The following SPPL3 variants were observed in gnomAD, a reference collection of about 807,000 sequenced individuals.
The protein encoded by SPPL3 is signal peptide peptidase like 3.
SPPL3 carries 5 observed loss-of-function variants against 42.4 expected under a neutral mutation model. The observed-to-expected ratio is 0.12, with a 90% CI of 0.06 to 0.25. The LOEUF is 0.25. Among genes scored for constraint, SPPL3 ranks in the 10% least tolerant of loss-of-function variants. The pLI is 1.00. For synonymous variants in SPPL3, 195 were observed against 181.8 expected (o/e 1.07, Z -0.58); for missense variants, 235 against 489.0 (o/e 0.48, Z 4.90).
intron 1 of SPPL3, among the ~76,000 whole-genome samples, chr12:120,888,449 G>A (rs947636006): frequency 6.6e-6 from 1 of 152,156 alleles, no homozygotes; most frequent in Non-Finnish European, 1.5e-5. Flanking sequence ...TAAGCTGAAT[G>A]TGGTATAAAA....
chr12:120,899,790 G>A (rs972480660), intron 1 of SPPL3, among the ~76,000 whole-genome samples: 1 of 150,580 alleles, frequency 6.6e-6, no homozygotes, highest in Non-Finnish European at 1.5e-5. Context: ...CTACTCGGGA[G>A]GCTGAGGCAC....
chr12:120,849,778 C>T (rs1872163875), intron 1 of SPPL3, among the ~76,000 whole-genome samples: 1 of 152,208 alleles, frequency 6.6e-6, no homozygotes, highest in Non-Finnish European at 1.5e-5. Flanking sequence ...GTTACAGGTT[C>T]TGGATCTTCT....
intron 1 of SPPL3, among the ~76,000 whole-genome samples, chr12:120,847,088 G>A (rs549117271): frequency 6.6e-6 from 1 of 152,250 alleles, no homozygotes; most frequent in Non-Finnish European, 1.5e-5. Context: ...GAAGTTTTAT[G>A]TTACTGAATA....
intron 2 of SPPL3, among the ~76,000 whole-genome samples, chr12:120,793,910 T>C (rs1870007532): frequency 6.6e-6 from 1 of 152,224 alleles, no homozygotes; most frequent in African/African-American, 2.4e-5. Context: ...TAAATGTCAA[T>C]TAGGTCAAAT....
chr12:120,863,238 C>A (rs2137043847), intron 1 of SPPL3, among the ~76,000 whole-genome samples: 2 of 152,136 alleles, frequency 1.3e-5, no homozygotes, highest in South Asian at 4.2e-4. Flanking sequence ...ATCCCGGCTA[C>A]TCCAGAGGCT....
chr12:120,802,353 A>G (rs912714432), intron 2 of SPPL3, among the ~76,000 whole-genome samples: 4 of 146,478 alleles, frequency 2.7e-5, no homozygotes, highest in South Asian at 2.1e-4. Context: ...GTATGTATGT[A>G]TGTGTGTATA....
Position 120,782,341 on chromosome 12 carries a change from T to C in SPPL3, c.502+314A>G, listed in dbSNP as rs538882036. Among the ~76,000 whole-genome samples the C allele has an allele frequency of 2.0e-5, 3 of 152,296 alleles. No individual in the cohort carries two copies. In the South Asian group the frequency reaches 6.2e-4, roughly 32 times the overall value. ...CATAAAAAGGAAGTGCTGATACAGG[T>C]TACAACACAGATGAACCTTGAAAAC... On this transcript the variant is annotated intron_variant, in intron 6 of 10. Transcript: ENST00000353487.
At chr12:120,900,470 TG>T (rs1157285310) in intron 1 of SPPL3, among the ~76,000 whole-genome samples, 2 of 149,978 alleles carry the variant, frequency 1.3e-5, no homozygotes, top group African/African-American at 4.9e-5. Flanking sequence ...CCGGGCGTGG[TG>T]GGGCACACCT....
At chr12:120,794,122 T>A (rs573984828) in intron 2 of SPPL3, among the ~76,000 whole-genome samples, 1 of 152,246 alleles carries the variant, frequency 6.6e-6, no homozygotes, top group Non-Finnish European at 1.5e-5. Context: ...TCTTGCTTAA[T>A]TGACCCCTTT....
intron 1 of SPPL3, among the ~76,000 whole-genome samples, chr12:120,850,435 G>T (rs1872182219): frequency 6.9e-6 from 1 of 145,886 alleles, no homozygotes; most frequent in African/African-American, 2.5e-5. Flanking sequence ...GAGGTGGGAG[G>T]ACTGCTTGAG....
intron 1 of SPPL3, among the ~76,000 whole-genome samples, chr12:120,832,195 C>T (rs1312444331): frequency 6.6e-6 from 1 of 152,110 alleles, no homozygotes; most frequent in Non-Finnish European, 1.5e-5. Context: ...ATTATTATTA[C>T]TCATAAAAAC....
At chr12:120,823,999 T>C (rs543778888) in intron 1 of SPPL3, among the ~76,000 whole-genome samples, 35 of 152,050 alleles carry the variant, frequency 2.3e-4, no homozygotes, top group African/African-American at 7.2e-4. Context: ...GCCTCCCAAG[T>C]AGCTGGGACT....
At chr12:120,879,385 T>C (rs1481950629) in intron 1 of SPPL3, among the ~76,000 whole-genome samples, 4 of 152,090 alleles carry the variant, frequency 2.6e-5, no homozygotes, top group Non-Finnish European at 5.9e-5. Flanking sequence ...TTTAACTTAC[T>C]GTCCTTTGAT....
Position 120,835,974 on chromosome 12 carries a change from A to G in SPPL3, c.24-25088T>C, listed in dbSNP as rs552959199. 6.0e-4 allele frequency among the ~76,000 whole-genome samples: 91 copies of G among 152,302 alleles called. 3 individuals carry two copies. The South Asian group carries it at 0.018, about 31-fold the overall frequency. The stretch of plus-strand genomic sequence containing the variant: ...ATTAGCAACAGAAAACTATGTAACC[A>G]TATCACATTCTCCTTTGTACTTTTT... On this transcript the variant is annotated intron_variant, in intron 1 of 10. Coordinates refer to ENST00000353487, the MANE Select transcript of SPPL3 (RefSeq NM_139015.5).
intron 1 of SPPL3, among the ~76,000 whole-genome samples, chr12:120,836,092 T>A (rs542734531): frequency 6.6e-6 from 1 of 152,080 alleles, no homozygotes; most frequent in African/African-American, 2.4e-5. Context: ...TTCTGTAACT[T>A]TGGAGTGTGC....
chr12:120,816,435 G>A (rs1202923166), intron 1 of SPPL3, among the ~76,000 whole-genome samples: 1 of 152,192 alleles, frequency 6.6e-6, no homozygotes, highest in East Asian at 1.9e-4. Flanking sequence ...CACATAACTA[G>A]AAGTTATAGA....
At chr12:120,826,072 T>C (rs539800573) in intron 1 of SPPL3, among the ~76,000 whole-genome samples, 1 of 144,238 alleles carries the variant, frequency 6.9e-6, no homozygotes, top group South Asian at 2.2e-4. Flanking sequence ...GACAGGAGGA[T>C]TACCTGAGGT....
intron 1 of SPPL3, among the ~76,000 whole-genome samples, chr12:120,826,292 CAAAAA>C (rs11341939): frequency 8.4e-5 from 10 of 118,632 alleles, no homozygotes; most frequent in East Asian, 2.4e-4. Context: ...AAACTGTCTC[CAAAAA>C]AAAAAAAAAA....
intron 1 of SPPL3, among the ~76,000 whole-genome samples, chr12:120,891,667 T>A (rs967108102): frequency 6.6e-6 from 1 of 151,676 alleles, no homozygotes; most frequent in Non-Finnish European, 1.5e-5. Flanking sequence ...TCTCGAGATG[T>A]TTCCTGCAAA....
Sources: allele counts gnomAD v4.1 joint callset (sites outside exome capture counted in the v4.1 genomes callset), GRCh38; gene constraint gnomAD v4.1.1; transcripts MANE v1.5; gene names NCBI Gene and HGNC (gene_info 2026-07-23, HGNC 2026-07-21).